PDE3A: variants seen among roughly 807,000 people sequenced by gnomAD.
PDE3A encodes cGMP-inhibited 3',5'-cyclic phosphodiesterase 3A.
Under a neutral mutation model 98.3 loss-of-function variants are expected in PDE3A, and 43 were observed. The ratio of observed to expected loss-of-function variants is 0.44; its 90% CI spans 0.34 to 0.56. PDE3A has a LOEUF of 0.56. PDE3A is among the 20% of genes least tolerant of loss of function. PDE3A has a pLI of 0.01. For synonymous variants in PDE3A, 663 were observed against 567.9 expected (o/e 1.17, Z -2.38); for missense variants, 1,427 against 1,440.7 (o/e 0.99, Z 0.15).
At chr12:20,415,195 T>C (rs1020928514) in intron 1 of PDE3A, among the ~76,000 whole-genome samples, 1 of 152,076 alleles carries the variant, frequency 6.6e-6, no homozygotes, top group African/African-American at 2.4e-5. Context: ...CCACAGGCTT[T>C]CCCACGCTCC....
At chr12:20,458,825 T>TAC (rs1347171468) in intron 1 of PDE3A, among the ~76,000 whole-genome samples, 2 of 152,158 alleles carry the variant, frequency 1.3e-5, no homozygotes, top group East Asian at 3.8e-4. Context: ...TTTGCATGGA[T>TAC]ACAGCCTTTG....
chr12:20,441,486 A>G (rs1407361921), intron 1 of PDE3A, among the ~76,000 whole-genome samples: 2 of 152,244 alleles, frequency 1.3e-5, no homozygotes, highest in Non-Finnish European at 2.9e-5. Flanking sequence ...ACTAAGAGCC[A>G]GGTACTTTGC....
chr12:20,443,596 G>A (rs1197051177), intron 1 of PDE3A, among the ~76,000 whole-genome samples: 1 of 152,062 alleles, frequency 6.6e-6, no homozygotes, highest in African/African-American at 2.4e-5. Context: ...CTTTTCGTTT[G>A]CTGTGTGTAC....
intron 1 of PDE3A, among the ~76,000 whole-genome samples, chr12:20,507,399 A>G (rs1377628421): frequency 6.6e-6 from 1 of 152,104 alleles, no homozygotes; most frequent in Non-Finnish European, 1.5e-5. Flanking sequence ...TTGAAAGTAC[A>G]TGACATTGTG....
intron 4 of PDE3A, among the ~76,000 whole-genome samples, chr12:20,618,755 C>T (rs757517305): frequency 6.6e-6 from 1 of 152,070 alleles, no homozygotes; most frequent in African/African-American, 2.4e-5. Context: ...ATAGGAAAAG[C>T]TGAAATAAAT....
At position 20,467,933 on chromosome 12, in the gene PDE3A, C is replaced by CAAAAAAAAAAAAA. The variant is rs60320142; in HGVS notation, c.961-88692_961-88680dup. ...CTGGCGACAGAGCGAGACTCCTTCT[C>CAAAAAAAAAAAAA]AAAAAAAAAAAAAAAAAAAAAAAAA... is the stretch of plus-strand genomic sequence containing the variant. On this transcript the variant is annotated intron_variant, in intron 1 of 15. Coordinates refer to ENST00000359062, the MANE Select transcript of PDE3A (RefSeq NM_000921.5). Among the ~76,000 whole-genome samples, 15 of 35,698 alleles carry CAAAAAAAAAAAAA rather than the reference C, an allele frequency of 4.2e-4. 1 individual carries two copies. In the East Asian group the frequency reaches 7.4e-3, roughly 18 times the overall value. The allele number at this position is 35,698 out of a possible 152,430, so 23.4% of individuals were successfully genotyped here. A position where few individuals can be genotyped will look rare whatever the true frequency, so the allele number is the denominator to read the frequency against.
intron 15 of PDE3A, among the ~76,000 whole-genome samples, chr12:20,666,462 C>A (rs1032735102): frequency 2.0e-5 from 3 of 152,196 alleles, no homozygotes; most frequent in Non-Finnish European, 2.9e-5. Context: ...CTTCTGATGT[C>A]TGTCATTCTA....
At chr12:20,670,026 A>T (rs1945429262) in intron 15 of PDE3A, among the ~76,000 whole-genome samples, 1 of 151,058 alleles carries the variant, frequency 6.6e-6, no homozygotes, top group Admixed American at 6.6e-5. Flanking sequence ...ATGGAAAACA[A>T]AAAAAGGCAG....
Position 20,369,515 on chromosome 12 carries a change from G to A in PDE3A, c.231G>A (p.Leu77=), listed in dbSNP as rs79716763. 2,514 of 1,560,594 alleles carry A rather than the reference G, an allele frequency of 1.6e-3. 44 individuals carry two copies. The African/African-American group carries it at 0.03, about 19-fold the overall frequency. Residue 77 remains leucine (L), a synonymous_variant, in exon 1 of 16, where the codon CTG becomes CTA. Transcript: ENST00000359062. The part of the protein sequence containing the change: ...AGSLSFLLAL[L]VRLVRGEVGC... ...CCCTGTCCTTTCTGCTGGCGCTGCT[G>A]GTGAGGCTGGTCCGCGGGGAGGTCG...
intron 2 of PDE3A, among the ~76,000 whole-genome samples, chr12:20,610,247 C>T (rs904306100): frequency 2.6e-5 from 4 of 151,972 alleles, no homozygotes; most frequent in African/African-American, 9.7e-5. Flanking sequence ...CATGAACAGA[C>T]ATTTCTCCAA....
At chr12:20,502,548 G>A (rs1343825442) in intron 1 of PDE3A, among the ~76,000 whole-genome samples, 3 of 152,062 alleles carry the variant, frequency 2.0e-5, no homozygotes, top group Non-Finnish European at 4.4e-5. Context: ...AGTGTGATCA[G>A]GTCAGGGACT....
In PDE3A at chr12:20,530,424, T is replaced by A. The variant is rs921352237; in HGVS notation, c.961-26236T>A. On this transcript the variant is annotated intron_variant, in intron 1 of 15. Transcript: ENST00000359062. ...TAAATCTAATGTGAGTATCCAATAA[T>A]AGATTCAAATATTTTTCAAGAATTG... Among the ~76,000 whole-genome samples the A allele has an allele frequency of 3.3e-5, 5 of 151,846 alleles. No individual in the cohort carries two copies. In the East Asian group the frequency reaches 7.7e-4, roughly 23 times the overall value.
intron 10 of PDE3A, among the ~76,000 whole-genome samples, chr12:20,645,259 T>C (rs550640241): frequency 4.5e-4 from 68 of 152,228 alleles, no homozygotes; most frequent in Admixed American, 1.5e-3. Context: ...CCACTGAATT[T>C]CTAGGGTGTT....
chr12:20,421,983 T>C (rs1360138924), intron 1 of PDE3A, among the ~76,000 whole-genome samples: 1 of 152,214 alleles, frequency 6.6e-6, no homozygotes, highest in Non-Finnish European at 1.5e-5. Context: ...ATTTCCTCTA[T>C]AAGAATAATT....
At chr12:20,432,576 A>G (rs1466420523) in intron 1 of PDE3A, among the ~76,000 whole-genome samples, 2 of 152,172 alleles carry the variant, frequency 1.3e-5, no homozygotes, top group African/African-American at 4.8e-5. Flanking sequence ...AGTTGTATAT[A>G]TTTAATATGT....
intron 15 of PDE3A, among the ~76,000 whole-genome samples, chr12:20,660,069 T>G (rs1054452584): frequency 1.3e-5 from 2 of 151,920 alleles, no homozygotes; most frequent in Non-Finnish European, 2.9e-5. Flanking sequence ...TGGTGGGAGG[T>G]AATCGAATCA....
At chr12:20,501,587 C>T (rs576925815) in intron 1 of PDE3A, among the ~76,000 whole-genome samples, 49 of 152,018 alleles carry the variant, frequency 3.2e-4, no homozygotes, top group Non-Finnish European at 5.3e-4. Context: ...ATTCGTAGAG[C>T]GAGGTAGTTA....
chr12:20,410,764 C>T (rs982463362), intron 1 of PDE3A, among the ~76,000 whole-genome samples: 7 of 152,116 alleles, frequency 4.6e-5, no homozygotes, highest in Non-Finnish European at 8.8e-5. Flanking sequence ...GAAAAAAATA[C>T]TTTAATATAG....
chr12:20,377,852 G>A (rs1943599229), intron 1 of PDE3A, among the ~76,000 whole-genome samples: 1 of 151,550 alleles, frequency 6.6e-6, no homozygotes, highest in Admixed American at 6.6e-5. Context: ...TTGCCTTTAG[G>A]AGTTTGGTAT....
Sources: gnomAD v4.1 joint callset for allele counts (sites outside exome capture counted in the v4.1 genomes callset) on GRCh38, gnomAD v4.1.1 for gene constraint, MANE v1.5 for transcripts, NCBI Gene and HGNC (gene_info 2026-07-23, HGNC 2026-07-21) for gene names.